Variants in INPP4B observed in about 807,000 individuals in gnomAD.
INPP4B encodes the protein inositol polyphosphate 4-phosphatase type II.
Under a neutral mutation model 122.5 loss-of-function variants are expected in INPP4B, and 55 were observed. That is an observed-to-expected ratio of 0.45 (90% CI 0.36 to 0.56). INPP4B has a LOEUF of 0.56. INPP4B is among the 20% of genes least tolerant of loss of function. The probability of loss-of-function intolerance (pLI) is 0.00; values close to 1 mark genes in which losing one functional copy is unlikely to be tolerated. For missense variants in INPP4B, 1,000 were observed against 1,097.7 expected (o/e 0.91, Z 1.26); for synonymous variants, 403 against 388.7 (o/e 1.04, Z -0.43).
chr4:142,173,576 C>T (rs1386689885), intron 16 of INPP4B, 56 bp downstream of exon 16: 11 of 1,479,166 alleles, frequency 7.4e-6, no homozygotes, highest in Non-Finnish European at 1.0e-5. Context: ...GAAAGCCAGA[C>T]CAATGGGAAT....
At chr4:142,272,848 C>T (rs910403857) in intron 9 of INPP4B, among the ~76,000 whole-genome samples, 2 of 151,946 alleles carry the variant, frequency 1.3e-5, no homozygotes, top group African/African-American at 4.8e-5. Context: ...TCTATAAAAA[C>T]TAAACACGTT....
chr4:142,583,220 A>G (rs916504125), intron 2 of INPP4B, among the ~76,000 whole-genome samples: 1 of 152,100 alleles, frequency 6.6e-6, no homozygotes, highest in Non-Finnish European at 1.5e-5. Flanking sequence ...CTTTAGGTCA[A>G]AACTACAGTA....
At chr4:142,399,509 GT>G (rs1800907131) in intron 7 of INPP4B, among the ~76,000 whole-genome samples, 1 of 151,936 alleles carries the variant, frequency 6.6e-6, no homozygotes, top group Non-Finnish European at 1.5e-5. Context: ...TTGCTTTTAA[GT>G]TTCTGCTGTA....
intron 17 of INPP4B, among the ~76,000 whole-genome samples, chr4:142,157,372 A>C (rs1243763770): frequency 6.6e-6 from 1 of 152,180 alleles, no homozygotes; most frequent in Non-Finnish European, 1.5e-5. Flanking sequence ...TGAAAATGTT[A>C]TATACCAAAC....
At chr4:142,655,802 C>G (rs550635209) in intron 2 of INPP4B, among the ~76,000 whole-genome samples, 23 of 152,146 alleles carry the variant, frequency 1.5e-4, no homozygotes, top group Non-Finnish European at 2.6e-4. Flanking sequence ...AGTCCAACTA[C>G]TCTAATTTAT....
rs1406030738 is a variant in INPP4B, at chr4:142,683,776, C to T, written c.-191+42063G>A. ...CACATGTGTAAACAAGCCAGTAAGT[C>T]TTCATACAATCTATTACGTACTGCA... On this transcript the variant is annotated intron_variant, in intron 2 of 25. Coordinates refer to ENST00000262992, the MANE Select transcript of INPP4B (RefSeq NM_001101669.3). Among the ~76,000 whole-genome samples the T allele has an allele frequency of 2.6e-5, 4 of 151,752 alleles. No individual in the cohort carries two copies. The East Asian group carries it at 7.9e-4, about 30-fold the overall frequency.
At chr4:142,770,687 AG>A (rs1772908068) in intron 1 of INPP4B, among the ~76,000 whole-genome samples, 1 of 152,192 alleles carries the variant, frequency 6.6e-6, no homozygotes, top group Non-Finnish European at 1.5e-5. Context: ...CATTAGAAAA[AG>A]AATGAAAGAG....
chr4:142,100,383 A>C (rs1193784130), intron 23 of INPP4B, among the ~76,000 whole-genome samples: 1 of 152,086 alleles, frequency 6.6e-6, no homozygotes, highest in Non-Finnish European at 1.5e-5. Context: ...GACAGTCCTC[A>C]ACAACACTCT....
intron 12 of INPP4B, among the ~76,000 whole-genome samples, chr4:142,223,667 G>C (rs539979546): frequency 6.6e-6 from 1 of 152,204 alleles, no homozygotes; most frequent in East Asian, 1.9e-4. Flanking sequence ...ATGACACACA[G>C]CATCTGCCCT....
intron 1 of INPP4B, among the ~76,000 whole-genome samples, chr4:142,793,444 G>C (rs940286991): frequency 6.6e-6 from 1 of 152,024 alleles, no homozygotes; most frequent in Non-Finnish European, 1.5e-5. Flanking sequence ...ACGATCAGTG[G>C]AACAAAAAGA....
At chr4:142,433,278 C>T (rs980780422) in intron 3 of INPP4B, among the ~76,000 whole-genome samples, 2 of 152,010 alleles carry the variant, frequency 1.3e-5, no homozygotes, top group Admixed American at 1.3e-4. Flanking sequence ...TGCCTACTTG[C>T]AAAATTTTTT....
In INPP4B at chr4:142,747,711, G is replaced by A. The variant is rs1390400340; in HGVS notation, c.-253-21810C>T. The stretch of plus-strand genomic sequence containing the variant: ...CAGCCATAAAAAAGAATGAGTTCAT[G>A]TCTTTTGTAGGGACATGGATGAAGC... On this transcript the variant is annotated intron_variant, in intron 1 of 25. Transcript: ENST00000262992. 2.6e-5 allele frequency among the ~76,000 whole-genome samples: 4 copies of A among 152,286 alleles called. 1 individual carries two copies. In the South Asian group the frequency reaches 8.3e-4, roughly 32 times the overall value.
chr4:142,837,661 C>T (rs892107928), intron 1 of INPP4B, among the ~76,000 whole-genome samples: 3 of 152,020 alleles, frequency 2.0e-5, no homozygotes, highest in Admixed American at 6.6e-5. Context: ...AATTAACAAA[C>T]TTTAAAAAAA....
rs1783701566 is a variant in INPP4B at position 142,099,853 on chromosome 4, C to A, written c.2374+8240G>T. On this transcript the variant is annotated intron_variant, in intron 23 of 25. Transcript: ENST00000262992. ...ACTGTTTTAACATTCTGGGAAATTT[C>A]ATCTTCTTTTACACTCATGTCCAGA... Among the ~76,000 whole-genome samples, 3 of 152,094 alleles carry A rather than the reference C, an allele frequency of 2.0e-5. No homozygotes were observed. The South Asian group carries it at 6.2e-4, about 31-fold the overall frequency.
At chr4:142,104,847 T>A (rs766407901) in intron 23 of INPP4B, among the ~76,000 whole-genome samples, 1 of 152,190 alleles carries the variant, frequency 6.6e-6, no homozygotes, top group East Asian at 1.9e-4. Flanking sequence ...ATAAATTCTA[T>A]GTAAATAGCT....
intron 2 of INPP4B, among the ~76,000 whole-genome samples, chr4:142,539,862 A>G (rs74777334): frequency 0.038 from 5,740 of 152,204 alleles, 139 homozygotes; most frequent in Middle Eastern, 0.065. Context: ...TTTTAGAAGT[A>G]CTATCAATAC....
At chr4:142,766,914 T>G (rs978344102) in intron 1 of INPP4B, 1 of 151,968 alleles carries the variant, frequency 6.6e-6, no homozygotes, top group Non-Finnish European at 1.5e-5. Context: ...ATACATAGAG[T>G]TCAGAAGATT....
chr4:142,399,833 C>T (rs1801022273), intron 7 of INPP4B, among the ~76,000 whole-genome samples: 1 of 151,962 alleles, frequency 6.6e-6, no homozygotes, highest in Non-Finnish European at 1.5e-5. Context: ...ACATAAAGAC[C>T]CTTCACTCCA....
chr4:142,700,082 T>A (rs1463322884), intron 2 of INPP4B, among the ~76,000 whole-genome samples: 5 of 152,148 alleles, frequency 3.3e-5, no homozygotes, highest in Admixed American at 3.3e-4. Flanking sequence ...TTACTAGATT[T>A]GCCTATACTC....
Sources: allele counts gnomAD v4.1 joint callset (sites outside exome capture counted in the v4.1 genomes callset), GRCh38; gene constraint gnomAD v4.1.1; transcripts MANE v1.5; gene names NCBI Gene and HGNC (gene_info 2026-07-23, HGNC 2026-07-21).